Variants in ZNF605 observed in about 807,000 individuals in gnomAD.
ZNF605 encodes zinc finger protein 605.
A neutral mutation model predicts 7.9 loss-of-function variants in ZNF605; 9 were observed. The ratio of observed to expected loss-of-function variants is 1.14; its 90% CI spans 0.68 to 1.98. The LOEUF (loss-of-function observed/expected upper bound fraction) is 1.98, where lower values mean the gene tolerates loss of function less well. ZNF605 is among the 30% of genes most tolerant of loss of function. ZNF605 has a pLI of 0.00. For missense variants in ZNF605, 673 were observed against 762.4 expected (o/e 0.88, Z 1.38); for synonymous variants, 255 against 260.1 (o/e 0.98, Z 0.19).
chr12:132,926,921 T>G lies in ZNF605; in HGVS notation c.378A>C (p.Lys126Asn). The G allele has an allele frequency of 6.2e-7, 1 of 1,611,850 alleles. No individual in the cohort carries two copies. Among genetic ancestry groups the G allele is most frequent in the Non-Finnish European group, 8.5e-7 (1 of 1,179,028 alleles). Residue 126 changes from lysine to asparagine, a missense_variant, in exon 5 of 5, where the codon AAA becomes AAC. Coordinates refer to ENST00000360187, the MANE Select transcript of ZNF605 (RefSeq NM_183238.4). ...ERKKIDELNK[K>N]LLFCIKPGRT... ...TGCCAGGTTTGATACAGAACAATAA[T>G]TTCTTATTGAGTTCATCAATTTTCT...
In ZNF605 at chr12:132,922,835, C is replaced by G. The variant is rs1281197122; in HGVS notation, c.*2538G>C. On this transcript the variant is annotated 3_prime_UTR_variant, in exon 5 of 5. Transcript: ENST00000360187. ...CGGGAACACAGAAGCTACCATGGTC[C>G]AGGCAGGAGGAAGGGAACGGTAATA... 2 of 152,208 alleles carry G rather than the reference C, an allele frequency of 1.3e-5. No homozygotes were observed. Among genetic ancestry groups the G allele is most frequent in the Admixed American group, 1.3e-4 (2 of 15,282 alleles). The allele number at this position is 152,208 out of a possible 1,614,324, so 9.4% of individuals were successfully genotyped here.
At chr12:132,947,041 T>A (rs1952501568) in intron 2 of ZNF605, among the ~76,000 whole-genome samples, 1 of 151,868 alleles carries the variant, frequency 6.6e-6, no homozygotes. Context: ...AGGCAGAGTT[T>A]CGCTGTTGTA....
chr12:132,945,328 T>C (rs1427733007), intron 3 of ZNF605: 25 of 1,050,840 alleles, frequency 2.4e-5, no homozygotes, highest in Non-Finnish European at 3.1e-5. Flanking sequence ...CCCAAGTTTA[T>C]ATTTTCTCTT....
At chr12:132,935,563 G>A (rs759636771) in intron 3 of ZNF605, among the ~76,000 whole-genome samples, 1 of 151,524 alleles carries the variant, frequency 6.6e-6, no homozygotes, top group Admixed American at 6.6e-5. Context: ...CAAGAAAAAT[G>A]AGTACAGAGT....
intron 1 of ZNF605, among the ~76,000 whole-genome samples, chr12:132,955,525 CAA>C (rs1376948048): frequency 6.6e-6 from 1 of 152,128 alleles, no homozygotes; most frequent in Non-Finnish European, 1.5e-5. Context: ...GGAGGCTGAC[CAA>C]AGTCATATAG....
chr12:132,934,196 T>C (rs1457707100), intron 3 of ZNF605, among the ~76,000 whole-genome samples: 1 of 151,954 alleles, frequency 6.6e-6, no homozygotes, highest in Non-Finnish European at 1.5e-5. Flanking sequence ...GGAGAATCAC[T>C]TGAACCTGGG....
intron 4 of ZNF605, among the ~76,000 whole-genome samples, chr12:132,930,252 T>C (rs1489695642): frequency 5.3e-5 from 8 of 152,200 alleles, no homozygotes; most frequent in African/African-American, 1.9e-4. Flanking sequence ...CAGGCGGGCC[T>C]GCAACTCCCA....
At chr12:132,927,935 G>A (rs1429982662) in intron 4 of ZNF605, among the ~76,000 whole-genome samples, 1 of 152,132 alleles carries the variant, frequency 6.6e-6, no homozygotes. Flanking sequence ...GATTACAGGC[G>A]TGAGCCACCA....
At chr12:132,940,737 TA>T (rs1274852605) in intron 3 of ZNF605, among the ~76,000 whole-genome samples, 4 of 151,012 alleles carry the variant, frequency 2.6e-5, no homozygotes, top group African/African-American at 4.9e-5. Flanking sequence ...CAGGACTTTT[TA>T]AAAAAAAAAT....
Position 132,926,493 on chromosome 12 carries a change from T to C in ZNF605, c.806A>G (p.Lys269Arg). Residue 269 changes from lysine to arginine, a missense_variant, in exon 5 of 5, where the codon AAA becomes AGA. Transcript: ENST00000360187. Reference protein sequence around the residue: ...GKAFSRKSQLKRHQITHTIEK... With the variant: ...GKAFSRKSQLRRHQITHTIEK... Reference sequence around the variant, plus strand: ...TATTGTGTGCGTTATCTGATGTCTTTTAAGCTGCGACTTCCTACTGAAGGC... The same window carrying C: ...TATTGTGTGCGTTATCTGATGTCTTCTAAGCTGCGACTTCCTACTGAAGGC... 2 of 1,613,908 alleles carry C rather than the reference T, an allele frequency of 1.2e-6. No individual in the cohort carries two copies. Among genetic ancestry groups the C allele is most frequent in the African/African-American group, 1.3e-5 (1 of 74,926 alleles).
In ZNF605 at chr12:132,919,379, CT is replaced by C. The variant is rs1175837282; in HGVS notation, c.*5993del. 7.7e-3 allele frequency: 726 copies of C among 94,064 alleles called. 4 individuals carry two copies. Among genetic ancestry groups the C allele is most frequent in the African/African-American group, 9.5e-3 (215 of 22,744 alleles). The allele number at this position is 94,064 out of a possible 1,614,324, so 5.8% of individuals were successfully genotyped here. On this transcript the variant is annotated 3_prime_UTR_variant, in exon 5 of 5. Transcript: ENST00000360187. The stretch of plus-strand genomic sequence containing the variant: ...AGCCACCACATCTGGCCAGTAATGC[CT>C]TTTTTTTTTTTTTTTTTTTTTTTGA...
chr12:132,950,539 TCAGA>T (rs1466022307), intron 1 of ZNF605, among the ~76,000 whole-genome samples: 20 of 139,766 alleles, frequency 1.4e-4, no homozygotes, highest in African/African-American at 4.1e-4. Context: ...GCACACACAC[TCAGA>T]CACACTAATA....
At position 132,926,883 on chromosome 12, in the gene ZNF605, C is replaced by T. The variant is rs1952253415; in HGVS notation, c.416G>A (p.Gly139Glu). The change falls in exon 5 of 5, where the codon GGG becomes GAG. Residue 139 changes from glycine (G) to glutamate (E), a missense_variant. Gly to Glu is a moderately conservative substitution (Grantham distance 98). Transcript: ENST00000360187. ...FCIKPGRTHGGIKYCDCSTCR... is the reference protein window; with the variant it reads ...FCIKPGRTHGEIKYCDCSTCR... Reference sequence around the variant, plus strand: ...TGTACTGCAATCACAGTATTTTATCCCACCATGGGTTCTGCCAGGTTTGAT... The same window carrying T: ...TGTACTGCAATCACAGTATTTTATCTCACCATGGGTTCTGCCAGGTTTGAT... 1 of 1,614,138 alleles carries T rather than the reference C, an allele frequency of 6.2e-7. No individual in the cohort carries two copies. The highest frequency in any genetic ancestry group is 1.7e-5 in the Admixed American group (1 of 60,002).
At position 132,925,544 on chromosome 12, in the gene ZNF605, T is replaced by C. The variant is rs755005980; in HGVS notation, c.1755A>G (p.Gly585=). The change falls in exon 5 of 5, where the codon GGA becomes GGG. Residue 585 remains glycine (G), a synonymous_variant. Coordinates refer to ENST00000360187, the MANE Select transcript of ZNF605 (RefSeq NM_183238.4). ...ATTCACCACATTTATATGGTCTCTCTCCTGTATGAATTCTCTGATGTATAA... is the reference window on the plus strand; with the variant it reads ...ATTCACCACATTTATATGGTCTCTCCCCTGTATGAATTCTCTGATGTATAA... The part of the protein sequence containing the change: ...QLIIHQRIHT[G]ERPYKCGECG... 1 of 1,614,180 alleles carries C rather than the reference T, an allele frequency of 6.2e-7. No homozygotes were observed.
chr12:132,944,465 G>A lies in ZNF605; in HGVS notation c.15+1156C>T, dbSNP rs1378354990. Among the ~76,000 whole-genome samples, 4 of 152,198 alleles carry A rather than the reference G, an allele frequency of 2.6e-5. No homozygotes were observed. In the East Asian group the frequency reaches 7.7e-4, roughly 29 times the overall value. ...CAGAGCTGAACGCAGATCCCTGCAT[G>A]TCAAGCCTCTGCCAACAGGAGCGGC... is the stretch of plus-strand genomic sequence containing the variant. On this transcript the variant is annotated intron_variant, in intron 3 of 4. Coordinates refer to ENST00000360187, the MANE Select transcript of ZNF605 (RefSeq NM_183238.4).
At position 132,920,848 on chromosome 12, in the gene ZNF605, T is replaced by G. The variant is rs1260756369; in HGVS notation, c.*4525A>C. 6.6e-6 allele frequency: 1 copy of G among 151,978 alleles called. No individual in the cohort carries two copies. Among genetic ancestry groups the G allele is most frequent in the Non-Finnish European group, 1.5e-5 (1 of 68,012 alleles). The allele number at this position is 151,978 out of a possible 1,614,324, so 9.4% of individuals were successfully genotyped here. A position where few individuals can be genotyped will look rare whatever the true frequency, so the allele number is the denominator to read the frequency against. Reference sequence around the variant, plus strand: ...ATCATGGCTAACTTTTTTTTTGAGATGGAGTTTTGTTCTTGTTGCCCAGAC... The same window carrying G: ...ATCATGGCTAACTTTTTTTTTGAGAGGGAGTTTTGTTCTTGTTGCCCAGAC... On this transcript the variant is annotated 3_prime_UTR_variant, in exon 5 of 5. Transcript: ENST00000360187.
chr12:132,936,546 T>C (rs1306415610), intron 3 of ZNF605, among the ~76,000 whole-genome samples: 2 of 152,180 alleles, frequency 1.3e-5, no homozygotes, highest in Non-Finnish European at 2.9e-5. Flanking sequence ...AAAACACAAG[T>C]TAATGGAACA....
intron 4 of ZNF605, among the ~76,000 whole-genome samples, chr12:132,929,682 C>G (rs1313218522): frequency 6.6e-6 from 1 of 152,104 alleles, no homozygotes; most frequent in Admixed American, 6.5e-5. Flanking sequence ...TGCGGTGGCT[C>G]ACGTCTGTAA....
Position 132,926,405 on chromosome 12 carries a change from T to A in ZNF605, c.894A>T (p.Thr298=). 6.2e-7 allele frequency: 1 copy of A among 1,614,090 alleles called. No homozygotes were observed. The highest frequency in any genetic ancestry group is 8.5e-7 in the Non-Finnish European group (1 of 1,180,016). ...TCTCTCCTGTGTGCGCTCTCTGATG[T>A]GTGATGAGTTTTAATTTCTGGGAGA... ...KAFSQKLKLI[T]HQRAHTGEKP... The change falls in exon 5 of 5, where the codon ACA becomes ACT. Residue 298 remains threonine (T), a synonymous_variant. Transcript: ENST00000360187.
Sources: allele counts gnomAD v4.1 joint callset (sites outside exome capture counted in the v4.1 genomes callset), GRCh38; gene constraint gnomAD v4.1.1; transcripts MANE v1.5; gene names NCBI Gene and HGNC (gene_info 2026-07-23, HGNC 2026-07-21).